NT5C1B: variants seen among roughly 807,000 people sequenced by gnomAD.
NT5C1B encodes the protein 5'-nucleotidase, cytosolic IB.
NT5C1B carries 44 observed loss-of-function variants against 57.8 expected under a neutral mutation model. The observed-to-expected ratio is 0.76, with a 90% confidence interval of 0.60 to 0.98. The LOEUF (loss-of-function observed/expected upper bound fraction) is 0.98. Among genes scored for constraint, NT5C1B ranks in the 50% least tolerant of loss-of-function variants. NT5C1B has a pLI of 0.00. For missense variants in NT5C1B, 742 were observed against 719.5 expected (o/e 1.03, Z -0.36); for synonymous variants, 284 against 282.6 (o/e 1.00, Z -0.05).
intron 8 of NT5C1B, among the ~76,000 whole-genome samples, chr2:18,566,597 C>G (rs902348466): frequency 2.0e-5 from 3 of 152,072 alleles, no homozygotes; most frequent in African/African-American, 7.2e-5. Context: ...GGATGATTTC[C>G]AAATGGAAGA....
chr2:18,580,994 T>C (rs560250014), intron 6 of NT5C1B, among the ~76,000 whole-genome samples: 5 of 152,372 alleles, frequency 3.3e-5, no homozygotes, highest in Admixed American at 3.3e-4. Context: ...GGTAATACGC[T>C]TATTACCTAG....
exon 7 of NT5C1B, chr2:18,576,807 T>C (rs1665719023): frequency 6.2e-7 from 1 of 1,613,806 alleles, no homozygotes; most frequent in Non-Finnish European, 8.5e-7. Context: ...TTTCAGAATC[T>C]GCAGCAATAT....
intron 2 of NT5C1B, chr2:18,587,120 A>T: frequency 6.2e-7 from 1 of 1,614,094 alleles, no homozygotes; most frequent in African/African-American, 1.3e-5. Context: ...ACGACGAGTG[A>T]CCCTGGAAGG....
intron 6 of NT5C1B, among the ~76,000 whole-genome samples, chr2:18,579,375 C>T (rs1357090158): frequency 2.6e-5 from 4 of 152,140 alleles, no homozygotes; most frequent in African/African-American, 9.7e-5. Flanking sequence ...TATTATATAA[C>T]CAAACTTCAA....
In NT5C1B at chr2:18,576,212, G is replaced by GT; in HGVS notation, c.1300dup (p.Thr434AsnfsTer4). 1.2e-6 allele frequency: 2 copies of GT among 1,613,196 alleles called. No individual in the cohort carries two copies. Among genetic ancestry groups the GT allele is most frequent in the Non-Finnish European group, 1.7e-6 (2 of 1,179,590 alleles). ...AGCAAGAGGCTTACTTTCACATAAT[G>GT]TATCATACTGGAAGAATTTGTCGAG... On this transcript the variant is annotated frameshift_variant, in exon 8 of 9. Transcript: ENST00000304081. LOFTEE classifies it high-confidence loss of function.
At chr2:18,572,916 A>G (rs1665338318) in intron 8 of NT5C1B, among the ~76,000 whole-genome samples, 1 of 152,182 alleles carries the variant, frequency 6.6e-6, no homozygotes, top group East Asian at 1.9e-4. Flanking sequence ...AACATACACT[A>G]TTTATCACAT....
At chr2:18,572,721 C>G (rs1450393988) in intron 8 of NT5C1B, among the ~76,000 whole-genome samples, 2 of 151,974 alleles carry the variant, frequency 1.3e-5, no homozygotes, top group Admixed American at 6.6e-5. Flanking sequence ...AGAAATGAAG[C>G]CAAAACTACA....
intron 8 of NT5C1B, among the ~76,000 whole-genome samples, chr2:18,564,623 G>A (rs1558364263): frequency 6.6e-6 from 1 of 152,102 alleles, no homozygotes; most frequent in South Asian, 2.1e-4. Context: ...CTTGGTTTTA[G>A]TATCTCTTGT....
intron 6 of NT5C1B, among the ~76,000 whole-genome samples, chr2:18,577,888 G>GA (rs1455165859): frequency 6.6e-6 from 1 of 151,854 alleles, no homozygotes; most frequent in Admixed American, 6.6e-5. Flanking sequence ...AAAACAGAGA[G>GA]AAAAATCCAA....
At position 18,565,353 on chromosome 2, in the gene NT5C1B, T is replaced by C. The variant is rs532339122; in HGVS notation, c.1330-1234A>G. On this transcript the variant is annotated intron_variant, in intron 8 of 8. Transcript: ENST00000304081. ...ATGTTGGCCGAAATTTGTCCTGTAGTACTGATTTTCTCAAAAACATCTTAT... is the reference window on the plus strand; with the variant it reads ...ATGTTGGCCGAAATTTGTCCTGTAGCACTGATTTTCTCAAAAACATCTTAT... Among the ~76,000 whole-genome samples the C allele has an allele frequency of 5.3e-5, 8 of 152,336 alleles. No homozygotes were observed. The East Asian group carries it at 1.3e-3, about 26-fold the overall frequency.
chr2:18,564,613 C>T (rs1291148171), intron 8 of NT5C1B, among the ~76,000 whole-genome samples: 1 of 152,160 alleles, frequency 6.6e-6, no homozygotes, highest in Non-Finnish European at 1.5e-5. Context: ...TTTCCAAACA[C>T]TTGGTTTTAG....
intron 1 of NT5C1B, among the ~76,000 whole-genome samples, chr2:18,588,703 T>A (rs533252025): frequency 2.0e-5 from 3 of 152,106 alleles, no homozygotes; most frequent in Non-Finnish European, 4.4e-5. Flanking sequence ...TTCAAACAGG[T>A]TTCATGGCCT....
chr2:18,587,726 C>G, intron 1 of NT5C1B, 134 bp from the exon 2 acceptor site: 1 of 922,788 alleles, frequency 1.1e-6, no homozygotes. Flanking sequence ...AACTCTAGAC[C>G]TTAGTTTCCC....
chr2:18,588,834 C>T (rs754714807), intron 1 of NT5C1B, among the ~76,000 whole-genome samples: 1 of 152,116 alleles, frequency 6.6e-6, no homozygotes, highest in Non-Finnish European at 1.5e-5. Flanking sequence ...TGACCAGGAG[C>T]CTCATGATGT....
intron 8 of NT5C1B, among the ~76,000 whole-genome samples, chr2:18,568,363 A>T (rs952407303): frequency 6.6e-5 from 10 of 152,226 alleles, no homozygotes; most frequent in African/African-American, 1.9e-4. Flanking sequence ...AAATAAGATT[A>T]AAACTTTTTA....
chr2:18,574,977 A>T (rs537606906), intron 8 of NT5C1B, among the ~76,000 whole-genome samples: 1 of 152,086 alleles, frequency 6.6e-6, no homozygotes, highest in South Asian at 2.1e-4. Context: ...ATATAACTCA[A>T]TAAAGCTGAA....
At chr2:18,583,474 G>A (rs1475699569) in intron 5 of NT5C1B, 6 of 222,594 alleles carry the variant, frequency 2.7e-5, no homozygotes, top group Non-Finnish European at 4.5e-5. Context: ...AGTACTTTAT[G>A]TATTAACATG....
intron 2 of NT5C1B, 131 bp downstream of exon 2, chr2:18,587,372 G>C: frequency 6.7e-7 from 1 of 1,502,202 alleles, no homozygotes; most frequent in Non-Finnish European, 8.8e-7. Context: ...CTTCTCATGA[G>C]GACATTAGGG....
intron 8 of NT5C1B, among the ~76,000 whole-genome samples, chr2:18,572,703 G>T (rs1343847730): frequency 1.3e-5 from 2 of 152,082 alleles, no homozygotes; most frequent in East Asian, 3.8e-4. Flanking sequence ...AGTAACATTT[G>T]TCATTAAAGA....
Sources: gnomAD v4.1 joint callset for allele counts (sites outside exome capture counted in the v4.1 genomes callset) on GRCh38, gnomAD v4.1.1 for gene constraint, MANE v1.5 for transcripts, NCBI Gene and HGNC (gene_info 2026-07-23, HGNC 2026-07-21) for gene names.